ADAMTSL1: variants seen among roughly 807,000 people sequenced by gnomAD.
The protein encoded by ADAMTSL1 is ADAMTS-like protein 1.
Under a neutral mutation model 201.8 loss-of-function variants are expected in ADAMTSL1, and 126 were observed. That is an observed-to-expected ratio of 0.62 (90% CI 0.54 to 0.72). The LOEUF (loss-of-function observed/expected upper bound fraction) is 0.72, where lower values mean the gene tolerates loss of function less well. Ranked by LOEUF, ADAMTSL1 falls within the 30% of genes least tolerant of loss-of-function variation. ADAMTSL1 has a pLI of 0.00. For missense variants in ADAMTSL1, 2,679 were observed against 2,277.8 expected, an observed-to-expected ratio of 1.18 and a Z score of -3.59; for synonymous variants, 1,121 against 903.4, an observed-to-expected ratio of 1.24 and a Z score of -4.32.
chr9:18,769,191 C>T (rs12353436), intron 16 of ADAMTSL1, among the ~76,000 whole-genome samples: 1,897 of 152,178 alleles, frequency 0.012, 43 homozygotes, highest in African/African-American at 0.043. Context: ...CCTTGACTGC[C>T]GGCAAAAAAC....
chr9:18,165,044 G>GC (rs1827573092), intron 2 of ADAMTSL1, among the ~76,000 whole-genome samples: 1 of 150,602 alleles, frequency 6.6e-6, no homozygotes. Context: ...TCATATATTG[G>GC]TTTTTTTTTC....
intron 16 of ADAMTSL1, among the ~76,000 whole-genome samples, chr9:18,756,245 C>G (rs922789201): frequency 4.5e-5 from 6 of 134,440 alleles, no homozygotes; most frequent in African/African-American, 1.7e-4. Context: ...CACCACTACA[C>G]TCCAGCCTGG....
At chr9:18,825,480 C>G (rs923921160) in intron 21 of ADAMTSL1, among the ~76,000 whole-genome samples, 3 of 152,220 alleles carry the variant, frequency 2.0e-5, no homozygotes, top group Non-Finnish European at 2.9e-5. Context: ...TCCAAAAATA[C>G]AAGCAAGTTT....
intron 1 of ADAMTSL1, among the ~76,000 whole-genome samples, chr9:17,956,195 C>T (rs188901702): frequency 6.8e-4 from 103 of 152,214 alleles, no homozygotes; most frequent in African/African-American, 2.4e-3. Context: ...TTTGAAGTGG[C>T]TGTAAGACCT....
intron 4 of ADAMTSL1, among the ~76,000 whole-genome samples, chr9:18,593,606 A>G (rs1362478970): frequency 6.6e-6 from 1 of 151,914 alleles, no homozygotes; most frequent in African/African-American, 2.4e-5. Context: ...TCATGTTTTC[A>G]TTATCTATAA....
chr9:18,789,136 C>T (rs1821880371), intron 19 of ADAMTSL1, among the ~76,000 whole-genome samples: 1 of 152,158 alleles, frequency 6.6e-6, no homozygotes, highest in Non-Finnish European at 1.5e-5. Context: ...CCCATGTCTT[C>T]ACGACATCTA....
At chr9:18,499,115 T>C (rs893454721) in intron 1 of ADAMTSL1, among the ~76,000 whole-genome samples, 6 of 152,268 alleles carry the variant, frequency 3.9e-5, no homozygotes, top group Non-Finnish European at 7.3e-5. Context: ...ACAGGCTTCA[T>C]GCAGTGGCCT....
At chr9:18,639,161 T>C in intron 6 of ADAMTSL1, 93 bp from the exon 7 acceptor site, 1 of 1,267,992 alleles carries the variant, frequency 7.9e-7, no homozygotes, top group East Asian at 2.4e-5. Context: ...TGTGTCTCCC[T>C]TACCTAGCTC....
intron 6 of ADAMTSL1, among the ~76,000 whole-genome samples, chr9:18,637,323 A>C: frequency 6.6e-6 from 1 of 152,174 alleles, no homozygotes; most frequent in South Asian, 2.1e-4. Context: ...CTGTCCACTA[A>C]CTCTCCACTC....
In ADAMTSL1 at chr9:18,094,589, C is replaced by T. The variant is rs372704265; in HGVS notation, c.88-69273C>T. On this transcript the variant is annotated intron_variant, in intron 1 of 29. Coordinates refer to the ADAMTSL1 transcript ENST00000680146. ...TTCATCAGGTTCGGTCAAATGCCAC[C>T]TAAATCTAAGTATAATCAGTGGTTT... Among the ~76,000 whole-genome samples the T allele has an allele frequency of 2.3e-4, 35 of 152,040 alleles. 1 individual carries two copies. The South Asian group carries it at 6.9e-3, about 30-fold the overall frequency.
At chr9:18,840,342 T>C (rs1825634410) in intron 23 of ADAMTSL1, among the ~76,000 whole-genome samples, 1 of 152,134 alleles carries the variant, frequency 6.6e-6, no homozygotes, top group African/African-American at 2.4e-5. Flanking sequence ...GATCAGATAG[T>C]TGTAGATCTA....
intron 2 of ADAMTSL1, among the ~76,000 whole-genome samples, chr9:18,345,243 C>G (rs1424037653): frequency 1.3e-5 from 2 of 151,986 alleles, no homozygotes; most frequent in Non-Finnish European, 2.9e-5. Flanking sequence ...AAAAAAAGTG[C>G]AGCTCACTGC....
At chr9:17,916,140 C>G (rs986697145) in intron 1 of ADAMTSL1, among the ~76,000 whole-genome samples, 3 of 152,170 alleles carry the variant, frequency 2.0e-5, no homozygotes, top group Non-Finnish European at 2.9e-5. Context: ...AGACTGGTCT[C>G]GAACCCCAGG....
At chr9:18,599,996 C>CAAAAAAAAAA (rs57914274) in intron 4 of ADAMTSL1, among the ~76,000 whole-genome samples, 57 of 86,910 alleles carry the variant, frequency 6.6e-4, no homozygotes, top group African/African-American at 9.5e-4. Flanking sequence ...ACTAAAAATA[C>CAAAAAAAAAA]AAAAAAAAAA....
rs966190208 is a variant in ADAMTSL1, at chr9:18,089,520, C to T, written c.88-74342C>T. Reference sequence around the variant, plus strand: ...TAGGAGAAATACCTAACGTAGATGACGGGTTGATGGGTGCAGCAAACCACC... The same window carrying T: ...TAGGAGAAATACCTAACGTAGATGATGGGTTGATGGGTGCAGCAAACCACC... On this transcript the variant is annotated intron_variant, in intron 1 of 29. Transcript: ENST00000680146. 7.2e-5 allele frequency among the ~76,000 whole-genome samples: 11 copies of T among 152,002 alleles called. No homozygotes were observed. The East Asian group carries it at 9.6e-4, about 13-fold the overall frequency.
At position 18,639,313 on chromosome 9, in the gene ADAMTSL1, A is replaced by G; in HGVS notation, c.736A>G (p.Thr246Ala). The change falls in exon 7 of 29, where the codon ACT becomes GCT. Residue 246 changes from threonine (T) to alanine (A), a missense_variant. By Grantham distance (58) the Thr-to-Ala change is moderately conservative. Coordinates refer to ENST00000380548, the MANE Select transcript of ADAMTSL1 (RefSeq NM_001040272.6). ...TGAAAACAGTCTCAGCTCCACAGGA[A>G]CTTTCCTTGTGGACAATTCTAGTGT... ...KGENSLSSTG[T>A]FLVDNSSVDF... is the part of the protein sequence containing the mutation. 2 of 1,613,118 alleles carry G rather than the reference A, an allele frequency of 1.2e-6. No individual in the cohort carries two copies. Among genetic ancestry groups the G allele is most frequent in the Non-Finnish European group, 8.5e-7 (1 of 1,179,364 alleles).
intron 1 of ADAMTSL1, among the ~76,000 whole-genome samples, chr9:18,015,679 AGCAGGATATGGACTGAGG>A (rs1394553947): frequency 6.6e-6 from 1 of 152,032 alleles, no homozygotes; most frequent in African/African-American, 2.4e-5. Flanking sequence ...TAAGAGGTAG[AGCAGGATATGGACTGAGG>A]GCTGCCTGAC....
chr9:18,464,960 C>G (rs1820947805), intron 2 of ADAMTSL1, among the ~76,000 whole-genome samples: 1 of 152,084 alleles, frequency 6.6e-6, no homozygotes, highest in African/African-American at 2.4e-5. Context: ...TGATAGAGCT[C>G]TCATTATCAA....
At chr9:18,649,674 G>C (rs1192097249) in intron 7 of ADAMTSL1, among the ~76,000 whole-genome samples, 1 of 152,138 alleles carries the variant, frequency 6.6e-6, no homozygotes, top group African/African-American at 2.4e-5. Flanking sequence ...GTTTGCCTGG[G>C]TATCAGCAGC....
Sources: gnomAD v4.1 joint callset for allele counts (sites outside exome capture counted in the v4.1 genomes callset) on GRCh38, gnomAD v4.1.1 for gene constraint, MANE v1.5 for transcripts, NCBI Gene and HGNC (gene_info 2026-07-23, HGNC 2026-07-21) for gene names.